Variants in PDXDC1 observed in about 807,000 individuals in gnomAD.
PDXDC1 encodes pyridoxal dependent decarboxylase domain containing 1.
Under a neutral mutation model 100.1 loss-of-function variants are expected in PDXDC1, and 42 were observed. The ratio of observed to expected loss-of-function variants is 0.42; its 90% CI spans 0.33 to 0.54. The LOEUF (loss-of-function observed/expected upper bound fraction) is 0.54, where lower values mean the gene tolerates loss of function less well. Ranked by LOEUF, PDXDC1 falls within the 20% of genes least tolerant of loss-of-function variation. The pLI is 0.10. For missense variants in PDXDC1, 636 were observed against 979.2 expected (o/e 0.65, Z 4.68); for synonymous variants, 260 against 371.7 (o/e 0.70, Z 3.46).
At chr16:15,016,497 C>A in intron 9 of PDXDC1, 9 of 725,526 alleles carry the variant, frequency 1.2e-5, no homozygotes, top group Non-Finnish European at 1.9e-5. Context: ...TTTCCTCTAT[C>A]TGTGGACAGA....
In PDXDC1 at chr16:15,033,774, G is replaced by A. The variant is rs958049457; in HGVS notation, c.1812+375G>A. On this transcript the variant is annotated intron_variant, in intron 19 of 22. Coordinates refer to ENST00000396410, the MANE Select transcript of PDXDC1 (RefSeq NM_015027.4). ...AATGAAATGGGCTGTTGTATGTGTG[G>A]TTCCCCCTACACCCCTTCCCTATAG... Among the ~76,000 whole-genome samples the A allele has an allele frequency of 8.5e-5, 13 of 152,300 alleles. No homozygotes were observed. The East Asian group carries it at 2.3e-3, about 27-fold the overall frequency.
Position 15,131,580 on chromosome 16 carries a change from G to C in PDXDC1, c.1400-7299G>C, listed in dbSNP as rs1436500649. The stretch of plus-strand genomic sequence containing the variant: ...CCTCGTTGAGCACGCGGGAGCGCGT[G>C]AGGATGCGCATGAGGGCAGAGGTCA... On this transcript the variant is annotated intron_variant, in intron 16 of 16. Transcript: ENST00000535621. 55 of 1,606,630 alleles carry C rather than the reference G, an allele frequency of 3.4e-5. 1 individual carries two copies. Among genetic ancestry groups the C allele is most frequent in the Middle Eastern group, 4.5e-4 (2 of 4,418 alleles).
chr16:15,137,471 G>T (rs2048384817), intron 16 of PDXDC1: 4 of 1,116,536 alleles, frequency 3.6e-6, no homozygotes, highest in Non-Finnish European at 5.2e-6. Context: ...GCCTTCGTGG[G>T]CAGCTGAAAA....
Position 15,128,221 on chromosome 16 carries a change from C to G in PDXDC1, c.1400-10658C>G, listed in dbSNP as rs776188412. ...CAGAGCTTGGCAGGGTCCGCACAGA[C>G]CTTTGTCGTGCCACACTCGGATCTT... On this transcript the variant is annotated intron_variant, in intron 16 of 16. Coordinates refer to the PDXDC1 transcript ENST00000535621. The G allele has an allele frequency of 5.0e-6, 8 of 1,611,118 alleles. No individual in the cohort carries two copies. In the Admixed American group the frequency reaches 1.3e-4, roughly 27 times the overall value.
rs1460119021 is a variant in PDXDC1 at position 15,022,719 on chromosome 16, G to T, written c.1105G>T (p.Glu369Ter). 1.2e-6 allele frequency: 2 copies of T among 1,612,694 alleles called. No homozygotes were observed. Among genetic ancestry groups the T allele is most frequent in the African/African-American group, 1.3e-5 (1 of 74,912 alleles). Residue 369 changes from glutamate to a stop codon, truncating the protein, a stop_gained, in exon 13 of 23, where the codon GAA (glutamate) becomes TAA (stop). Coordinates refer to ENST00000396410, the MANE Select transcript of PDXDC1 (RefSeq NM_015027.4). LOFTEE classifies it high-confidence loss of function. ...HACQLSQRLQ[E>*]SLKKVNYIKI... is the part of the protein sequence containing the mutation. ...TCATTTGCAGAGTCAACGGTTGCAG[G>T]AAAGTTTGAAGAAAGTGAATTACAT...
chr16:15,061,657 A>T (rs549282977), intron 16 of PDXDC1: 34 of 1,307,262 alleles, frequency 2.6e-5, no homozygotes, highest in Non-Finnish European at 3.5e-5. Flanking sequence ...CAATGCCATC[A>T]ATGCCCAATG....
rs1284961995 is a variant in PDXDC1, at chr16:15,032,876, T to C, written c.1587T>C (p.Asn529=). 1.9e-6 allele frequency: 3 copies of C among 1,592,868 alleles called. No homozygotes were observed. The highest frequency in any genetic ancestry group is 1.7e-4 in the Middle Eastern group (1 of 6,012). The change falls in exon 18 of 23, where the codon AAT becomes AAC. Residue 529 remains asparagine (N), a synonymous_variant. Transcript: ENST00000396410. ...GIGVVRYEHA[N]DDKSSLKSDP... is the part of the protein sequence containing the mutation. ...GTTGTTTTAGGTATGAACATGCTAATGATGATAAGAGCAGTTTGAAATCAG... is the reference window on the plus strand; with the variant it reads ...GTTGTTTTAGGTATGAACATGCTAACGATGATAAGAGCAGTTTGAAATCAG...
chr16:15,149,341 CG>C, the PDXDC1 span, among the ~76,000 whole-genome samples: 2 of 152,170 alleles, frequency 1.3e-5, no homozygotes, highest in Non-Finnish European at 2.9e-5. Flanking sequence ...CCAGTGATAA[CG>C]GAGCCCTCGA....
downstream of PDXDC1, chr16:15,041,043 C>A (rs2043792558): frequency 1.3e-6 from 2 of 1,549,374 alleles, no homozygotes; most frequent in East Asian, 2.2e-5. Flanking sequence ...AAGACTCCAA[C>A]CCACAAAAGA....
chr16:15,001,267 T>C (rs1292389746), intron 3 of PDXDC1, among the ~76,000 whole-genome samples: 5 of 152,366 alleles, frequency 3.3e-5, no homozygotes, highest in African/African-American at 1.2e-4. Context: ...GGAGGGTGGA[T>C]CACTTGAAGC....
chr16:15,067,673 T>C (rs2045034911), intron 16 of PDXDC1, among the ~76,000 whole-genome samples: 2 of 151,792 alleles, frequency 1.3e-5, no homozygotes, highest in South Asian at 4.2e-4. Context: ...AGTGCTGCCC[T>C]TTGGATAAGA....
intron 16 of PDXDC1, chr16:15,063,264 G>A (rs1409113088): frequency 3.1e-6 from 5 of 1,612,708 alleles, no homozygotes; most frequent in African/African-American, 1.3e-5. Context: ...TGATAAATAG[G>A]ATCAATGAAT....
rs775067354 is a variant in PDXDC1 at position 15,036,906 on chromosome 16, C to G, written c.*631C>G. ...GTCCTCTGCCACAAGGCCATTTCTCCCATTATATACCGTTTGTAAAGAGAA... is the reference window on the plus strand; with the variant it reads ...GTCCTCTGCCACAAGGCCATTTCTCGCATTATATACCGTTTGTAAAGAGAA... On this transcript the variant is annotated 3_prime_UTR_variant, in exon 23 of 23. Transcript: ENST00000396410. 6.5e-6 allele frequency: 1 copy of G among 153,094 alleles called. No homozygotes were observed. Among genetic ancestry groups the G allele is most frequent in the African/African-American group, 2.4e-5 (1 of 41,442 alleles). 9.5% of individuals were successfully genotyped at this position (153,094 alleles called of 1,614,324 possible). A position where few individuals can be genotyped will look rare whatever the true frequency, so the allele number is the denominator to read the frequency against.
intron 19 of PDXDC1, 141 bp from the exon 20 acceptor site, chr16:15,034,145 T>A: frequency 1.5e-6 from 1 of 671,858 alleles, no homozygotes; most frequent in South Asian, 1.8e-5. Flanking sequence ...TCTTTGAGTT[T>A]CTGTTCGTTT....
At chr16:15,007,240 G>A (rs1243633684) in intron 6 of PDXDC1, among the ~76,000 whole-genome samples, 2 of 142,458 alleles carry the variant, frequency 1.4e-5, no homozygotes, top group Non-Finnish European at 1.5e-5. Flanking sequence ...GCGTGATCTC[G>A]GCTCACTGCA....
At position 15,131,522 on chromosome 16, in the gene PDXDC1, C is replaced by G. The variant is rs2048058553; in HGVS notation, c.1400-7357C>G. 9 of 1,609,008 alleles carry G rather than the reference C, an allele frequency of 5.6e-6. No individual in the cohort carries two copies. In the Admixed American group the frequency reaches 1.5e-4, roughly 27 times the overall value. ...CGCGGGTCCGAGCGCTTGCCCTGGG[C>G]CACGATCTCCTCGCCCGCCAGTGTC... On this transcript the variant is annotated intron_variant, in intron 16 of 16. Coordinates refer to the PDXDC1 transcript ENST00000535621.
At chr16:15,094,103 C>CT (rs1482398490) in intron 16 of PDXDC1, 2 of 1,536,516 alleles carry the variant, frequency 1.3e-6, no homozygotes, top group African/African-American at 2.7e-5. Context: ...CCGTCCTGAG[C>CT]TTTCGTCCCA....
At chr16:14,998,633 G>C (rs970011518) in intron 3 of PDXDC1, among the ~76,000 whole-genome samples, 82 of 152,396 alleles carry the variant, frequency 5.4e-4, no homozygotes, top group Non-Finnish European at 6.0e-4. Flanking sequence ...ATTTTCAGTA[G>C]AGATGGGATT....
At chr16:15,079,946 T>C (rs2045628142) in intron 16 of PDXDC1, 2 of 1,508,834 alleles carry the variant, frequency 1.3e-6, no homozygotes, top group Admixed American at 4.4e-5. Flanking sequence ...ACTGTGATTA[T>C]AACAAATTCA....
Sources: gnomAD v4.1 joint callset for allele counts (sites outside exome capture counted in the v4.1 genomes callset) on GRCh38, gnomAD v4.1.1 for gene constraint, MANE v1.5 for transcripts, NCBI Gene and HGNC (gene_info 2026-07-23, HGNC 2026-07-21) for gene names.